UNC79: variants seen among roughly 807,000 people sequenced by gnomAD.
The protein encoded by UNC79 is unc-79 subunit of NALCN channel complex.
A neutral mutation model predicts 283.1 loss-of-function variants in UNC79; 37 were observed. That is an observed-to-expected ratio of 0.13 (90% CI 0.10 to 0.17). The LOEUF (loss-of-function observed/expected upper bound fraction) is 0.17. UNC79 is among the 10% of genes least tolerant of loss of function. The pLI, the probability that UNC79 is intolerant of heterozygous loss-of-function variation, is 1.00. For synonymous variants in UNC79, 1,107 were observed against 1,200.2 expected, an observed-to-expected ratio of 0.92 and a Z score of 1.61; for missense variants, 2,272 against 3,211.1, an observed-to-expected ratio of 0.71 and a Z score of 7.07.
At chr14:93,491,929 A>G (rs1595624947) in intron 5 of UNC79, among the ~76,000 whole-genome samples, 1 of 152,332 alleles carries the variant, frequency 6.6e-6, no homozygotes, top group East Asian at 1.9e-4. Context: ...AAGCGAGGCA[A>G]TATCCACCAG....
chr14:93,544,623 A>G (rs1349533553), intron 14 of UNC79, among the ~76,000 whole-genome samples: 1 of 152,228 alleles, frequency 6.6e-6, no homozygotes, highest in Admixed American at 6.5e-5. Flanking sequence ...TTCAACATAC[A>G]TGAAAGAAGC....
intron 1 of UNC79, among the ~76,000 whole-genome samples, chr14:93,446,221 T>A (rs1290282029): frequency 6.6e-6 from 1 of 152,230 alleles, no homozygotes; most frequent in Non-Finnish European, 1.5e-5. Flanking sequence ...TATTATTAAT[T>A]TGAAATCTTT....
chr14:93,366,051 CA>C (rs1178542248), intron 1 of UNC79, among the ~76,000 whole-genome samples: 1 of 152,146 alleles, frequency 6.6e-6, no homozygotes, highest in African/African-American at 2.4e-5. Flanking sequence ...TATTGTAGCA[CA>C]ATCTTTGCAG....
intron 11 of UNC79, among the ~76,000 whole-genome samples, chr14:93,534,198 A>G (rs2060958648): frequency 6.6e-6 from 1 of 152,206 alleles, no homozygotes; most frequent in African/African-American, 2.4e-5. Context: ...TGCCTTGATT[A>G]TGATCTGGTT....
At chr14:93,683,262 G>C (rs1458724155) in intron 42 of UNC79, among the ~76,000 whole-genome samples, 1 of 152,162 alleles carries the variant, frequency 6.6e-6, no homozygotes. Flanking sequence ...GATTAGTAGG[G>C]AAAGGGGGAT....
At chr14:93,374,125 T>C (rs2054508939) in intron 1 of UNC79, among the ~76,000 whole-genome samples, 2 of 151,614 alleles carry the variant, frequency 1.3e-5, no homozygotes, top group African/African-American at 2.4e-5. Flanking sequence ...GAAATGTGGG[T>C]CTGGGGCTGC....
At chr14:93,681,131 TA>T (rs2073813443) in intron 41 of UNC79, among the ~76,000 whole-genome samples, 1 of 152,226 alleles carries the variant, frequency 6.6e-6, no homozygotes, top group Non-Finnish European at 1.5e-5. Flanking sequence ...AGTTAATGGC[TA>T]AATAGATTCT....
exon 30 of UNC79, chr14:93,622,282 G>A (rs536740846): frequency 1.8e-5 from 29 of 1,614,112 alleles, no homozygotes; most frequent in East Asian, 1.1e-4. Flanking sequence ...GCACAGCTCC[G>A]CTTGTACAAG....
At chr14:93,459,324 A>C (rs1345945688) in intron 1 of UNC79, among the ~76,000 whole-genome samples, 2 of 152,212 alleles carry the variant, frequency 1.3e-5, no homozygotes, top group Admixed American at 1.3e-4. Flanking sequence ...CTGATTTTTC[A>C]AGAAAGTAAA....
chr14:93,651,175 A>G (rs1367396451), intron 35 of UNC79, among the ~76,000 whole-genome samples: 1 of 152,226 alleles, frequency 6.6e-6, no homozygotes, highest in African/African-American at 2.4e-5. Context: ...TGTCTTGATT[A>G]TAGTACCTTC....
chr14:93,641,653 G>A (rs147590700), intron 33 of UNC79, among the ~76,000 whole-genome samples: 244 of 152,146 alleles, frequency 1.6e-3, no homozygotes, highest in Admixed American at 3.0e-3. Flanking sequence ...TGTCTCAAAA[G>A]CAAAACAAAA....
At chr14:93,358,784 T>C (rs530481743) in intron 1 of UNC79, among the ~76,000 whole-genome samples, 31 of 152,308 alleles carry the variant, frequency 2.0e-4, no homozygotes, top group African/African-American at 7.2e-4. Context: ...TGCTGCTGCC[T>C]GAGGCAACAG....
rs557628579 is a variant in UNC79 at position 93,630,497 on chromosome 14, GT to G, written c.5609-303del. ...TAGGTCTTAGATGAAAAGAAATTTA[GT>G]ACAGAAAGGTTAAGGAATTTGTTTG... is the stretch of plus-strand genomic sequence containing the variant. On this transcript the variant is annotated intron_variant, in intron 30 of 48. Transcript: ENST00000555664. 6.2e-3 allele frequency among the ~76,000 whole-genome samples: 939 copies of G among 152,312 alleles called. 7 individuals carry two copies. The highest frequency in any genetic ancestry group is 0.041 in the Middle Eastern group (12 of 294).
intron 31 of UNC79, among the ~76,000 whole-genome samples, chr14:93,632,444 A>C (rs1463060165): frequency 2.6e-5 from 4 of 152,238 alleles, no homozygotes; most frequent in Admixed American, 2.6e-4. Context: ...TCACGCCTGT[A>C]ATCCCAGCAC....
intron 1 of UNC79, among the ~76,000 whole-genome samples, chr14:93,340,171 G>A (rs200093179): frequency 1.4e-4 from 21 of 152,214 alleles, no homozygotes; most frequent in East Asian, 1.2e-3. Flanking sequence ...TGCTGGGTGC[G>A]GTGGCTCATG....
At chr14:93,347,202 A>C in intron 1 of UNC79, 1 of 1,505,282 alleles carries the variant, frequency 6.6e-7, no homozygotes, top group South Asian at 1.3e-5. Flanking sequence ...CGAGCACTGG[A>C]GCTTGCGTTA....
At chr14:93,393,721 C>T (rs937447890) in intron 1 of UNC79, among the ~76,000 whole-genome samples, 1 of 152,054 alleles carries the variant, frequency 6.6e-6, no homozygotes, top group African/African-American at 2.4e-5. Flanking sequence ...TTTAAAAAGC[C>T]ATACCATTAT....
chr14:93,576,596 AATAT>A (rs1314358659), intron 17 of UNC79, among the ~76,000 whole-genome samples: 1 of 152,210 alleles, frequency 6.6e-6, no homozygotes, highest in African/African-American at 2.4e-5. Flanking sequence ...CTAAAGGAGC[AATAT>A]GGGTGGACAA....
At chr14:93,706,823 G>T in exon 49 of UNC79, 1 of 1,614,242 alleles carries the variant, frequency 6.2e-7, no homozygotes, top group Non-Finnish European at 8.5e-7. Flanking sequence ...CCCTCCGAAA[G>T]TGGTTGCAGT....
Sources: gnomAD v4.1 joint callset for allele counts (sites outside exome capture counted in the v4.1 genomes callset) on GRCh38, gnomAD v4.1.1 for gene constraint, MANE v1.5 for transcripts, NCBI Gene and HGNC (gene_info 2026-07-23, HGNC 2026-07-21) for gene names.